The following LRP1B variants were observed in gnomAD, a reference collection of about 807,000 sequenced individuals.
LRP1B encodes the protein low-density lipoprotein receptor-related protein 1B.
LRP1B carries 217 observed loss-of-function variants against 556.6 expected under a neutral mutation model. The observed-to-expected ratio is 0.39, with a 90% CI of 0.35 to 0.44. The LOEUF is 0.44. LRP1B is among the 20% of genes least tolerant of loss of function. The pLI, the probability that LRP1B is intolerant of heterozygous loss-of-function variation, is 1.00. For synonymous variants in LRP1B, 2,047 were observed against 1,865.8 expected, an observed-to-expected ratio of 1.10 and a Z score of -2.50; for missense variants, 5,053 against 5,620.8, an observed-to-expected ratio of 0.90 and a Z score of 3.23.
At chr2:142,062,227 T>C (rs897029867) in intron 1 of LRP1B, among the ~76,000 whole-genome samples, 3 of 151,724 alleles carry the variant, frequency 2.0e-5, no homozygotes, top group Non-Finnish European at 4.4e-5. Context: ...AACAAGAAAC[T>C]AAAAGGGTTA....
At chr2:141,161,081 G>A (rs1402981789) in intron 7 of LRP1B, among the ~76,000 whole-genome samples, 5 of 151,806 alleles carry the variant, frequency 3.3e-5, no homozygotes, top group African/African-American at 9.7e-5. Flanking sequence ...CCAAATAAAC[G>A]GATTAAGTAC....
At chr2:140,523,757 C>T (rs965300824) in intron 49 of LRP1B, among the ~76,000 whole-genome samples, 1 of 151,834 alleles carries the variant, frequency 6.6e-6, no homozygotes, top group Admixed American at 6.6e-5. Flanking sequence ...AAAGCACAAT[C>T]CCACTTACCA....
At chr2:141,178,444 T>A (rs1160420701) in intron 7 of LRP1B, among the ~76,000 whole-genome samples, 1 of 152,122 alleles carries the variant, frequency 6.6e-6, no homozygotes, top group African/African-American at 2.4e-5. Context: ...GGACAGTGGA[T>A]TCAGATATCT....
chr2:141,887,371 AC>A (rs1266417615), intron 1 of LRP1B, among the ~76,000 whole-genome samples: 2 of 152,150 alleles, frequency 1.3e-5, no homozygotes, highest in African/African-American at 4.8e-5. Flanking sequence ...CCACGGTCAG[AC>A]TTAGGAATGC....
At chr2:140,717,409 A>G (rs1687250737) in intron 35 of LRP1B, among the ~76,000 whole-genome samples, 1 of 152,110 alleles carries the variant, frequency 6.6e-6, no homozygotes, top group South Asian at 2.1e-4. Flanking sequence ...GTCAACTACA[A>G]GACCCTTACA....
At chr2:142,007,502 A>G (rs1348817577) in intron 1 of LRP1B, among the ~76,000 whole-genome samples, 1 of 152,146 alleles carries the variant, frequency 6.6e-6, no homozygotes, top group Non-Finnish European at 1.5e-5. Flanking sequence ...GGACTCACCT[A>G]CAGAATACGA....
chr2:140,788,461 A>C lies in LRP1B; in HGVS notation c.5360-12223T>G, dbSNP rs138497227. ...CAGTGTAATTACTGTTGGTGGCAAA[A>C]AAATAATATATATTACCTATAGTAA... On this transcript the variant is annotated intron_variant, in intron 32 of 90. Transcript: ENST00000389484. Among the ~76,000 whole-genome samples the C allele has an allele frequency of 2.6e-5, 4 of 152,278 alleles. No homozygotes were observed. The East Asian group carries it at 7.7e-4, about 29-fold the overall frequency.
chr2:141,150,621 T>C (rs773268359), intron 7 of LRP1B, among the ~76,000 whole-genome samples: 3 of 152,152 alleles, frequency 2.0e-5, no homozygotes, highest in African/African-American at 4.8e-5. Context: ...AAATTCCTAA[T>C]GCAGCATTTT....
At chr2:141,607,555 A>C (rs1687961663) in intron 2 of LRP1B, among the ~76,000 whole-genome samples, 1 of 152,118 alleles carries the variant, frequency 6.6e-6, no homozygotes, top group Non-Finnish European at 1.5e-5. Context: ...ATCCCTCTAA[A>C]ACATTTGCAC....
At position 141,837,479 on chromosome 2, in the gene LRP1B, A is replaced by C. The variant is rs372793266; in HGVS notation, c.83-27078T>G. On this transcript the variant is annotated intron_variant, in intron 1 of 90. Transcript: ENST00000389484. ...TACAATGAGAAGTTATGATGAAAAA[A>C]TCTTCAGCTTTCATTGTAATCTTAA... Among the ~76,000 whole-genome samples the C allele has an allele frequency of 1.8e-4, 27 of 152,150 alleles. No homozygotes were observed. In the East Asian group the frequency reaches 1.9e-3, roughly 11 times the overall value.
intron 6 of LRP1B, among the ~76,000 whole-genome samples, chr2:141,210,422 A>G (rs994547721): frequency 2.0e-5 from 3 of 152,118 alleles, no homozygotes; most frequent in Non-Finnish European, 4.4e-5. Flanking sequence ...TTCTTTGTTC[A>G]CTTTTCTATC....
At chr2:140,514,861 C>T (rs903559054) in intron 50 of LRP1B, 89 bp from the exon 51 acceptor site, 1 of 1,191,756 alleles carries the variant, frequency 8.4e-7, no homozygotes, top group Non-Finnish European at 1.1e-6. Flanking sequence ...TTAGACTTTG[C>T]TAAAATCAAC....
At chr2:141,004,152 C>A (rs920986518) in intron 15 of LRP1B, among the ~76,000 whole-genome samples, 4 of 152,022 alleles carry the variant, frequency 2.6e-5, no homozygotes. Context: ...AATAAATACA[C>A]GAAATGTTTA....
chr2:141,260,894 TA>T (rs1684657169), intron 3 of LRP1B, among the ~76,000 whole-genome samples: 1 of 152,164 alleles, frequency 6.6e-6, no homozygotes, highest in Admixed American at 6.6e-5. Context: ...ATTTTAGTAA[TA>T]AAATTGCTTC....
intron 3 of LRP1B, among the ~76,000 whole-genome samples, chr2:141,411,767 T>C (rs1200791655): frequency 6.6e-6 from 1 of 152,100 alleles, no homozygotes; most frequent in Non-Finnish European, 1.5e-5. Flanking sequence ...AATAATGGAA[T>C]ATAAAGCATT....
chr2:142,068,825 T>C (rs915741366), intron 1 of LRP1B, among the ~76,000 whole-genome samples: 9 of 151,580 alleles, frequency 5.9e-5, no homozygotes, highest in African/African-American at 2.2e-4. Context: ...GAGTTAGTGG[T>C]CGGCTAATGG....
intron 2 of LRP1B, among the ~76,000 whole-genome samples, chr2:141,654,171 T>C (rs1261806756): frequency 1.3e-5 from 2 of 152,222 alleles, no homozygotes; most frequent in Non-Finnish European, 2.9e-5. Context: ...AAATTGGAAT[T>C]AGACCTTAAA....
chr2:140,521,624 C>T (rs1330784688), intron 49 of LRP1B, among the ~76,000 whole-genome samples: 2 of 151,960 alleles, frequency 1.3e-5, no homozygotes, highest in South Asian at 4.1e-4. Context: ...AGCAACTACA[C>T]AAATGACACT....
At chr2:140,530,642 T>G (rs1017360800) in intron 47 of LRP1B, among the ~76,000 whole-genome samples, 1 of 152,178 alleles carries the variant, frequency 6.6e-6, no homozygotes, top group Admixed American at 6.6e-5. Context: ...AAGGAGCTGG[T>G]CCATTGAATT....
Sources: allele counts gnomAD v4.1 joint callset (sites outside exome capture counted in the v4.1 genomes callset), GRCh38; gene constraint gnomAD v4.1.1; transcripts MANE v1.5; gene names NCBI Gene and HGNC (gene_info 2026-07-23, HGNC 2026-07-21).